The following CNTN5 variants were observed in gnomAD, a reference collection of about 807,000 sequenced individuals.
CNTN5 encodes contactin 5.
Under a neutral mutation model 129.1 loss-of-function variants are expected in CNTN5, and 77 were observed. The ratio of observed to expected loss-of-function variants is 0.60; its 90% CI spans 0.50 to 0.72. The LOEUF (loss-of-function observed/expected upper bound fraction) is 0.72, where lower values mean the gene tolerates loss of function less well. Ranked by LOEUF, CNTN5 falls within the 30% of genes least tolerant of loss-of-function variation. CNTN5 has a pLI of 0.00. For missense variants in CNTN5, 1,478 were observed against 1,328.8 expected (o/e 1.11, Z -1.75); for synonymous variants, 509 against 465.6 (o/e 1.09, Z -1.20).
intron 3 of CNTN5, among the ~76,000 whole-genome samples, chr11:99,565,759 C>A (rs904915971): frequency 4.6e-5 from 7 of 152,074 alleles, no homozygotes; most frequent in African/African-American, 1.7e-4. Flanking sequence ...AATCATTCTC[C>A]CATGATTTCC....
intron 2 of CNTN5, among the ~76,000 whole-genome samples, chr11:99,550,806 G>A (rs1948456484): frequency 6.6e-6 from 1 of 152,044 alleles, no homozygotes; most frequent in African/African-American, 2.4e-5. Flanking sequence ...CACTTTTTCA[G>A]TCACATATTT....
Position 99,886,474 on chromosome 11 carries a change from T to C in CNTN5, c.578-29580T>C, listed in dbSNP as rs1421162320. On this transcript the variant is annotated intron_variant, in intron 6 of 24. Transcript: ENST00000524871. ...AATAGAAAGATTCAAAGTAAGTCCA[T>C]ATTTTATACCATTTGATGTCTAATA... Among the ~76,000 whole-genome samples the C allele has an allele frequency of 2.0e-5, 3 of 152,180 alleles. No individual in the cohort carries two copies. In the East Asian group the frequency reaches 5.8e-4, roughly 29 times the overall value.
At chr11:99,264,782 G>C (rs188973777) in intron 1 of CNTN5, among the ~76,000 whole-genome samples, 1 of 151,964 alleles carries the variant, frequency 6.6e-6, no homozygotes, top group African/African-American at 2.4e-5. Flanking sequence ...ATAAGATATT[G>C]TCCAAGAACA....
At chr11:99,424,559 T>C (rs1246109546) in intron 2 of CNTN5, among the ~76,000 whole-genome samples, 1 of 152,200 alleles carries the variant, frequency 6.6e-6, no homozygotes, top group African/African-American at 2.4e-5. Flanking sequence ...AGTCACGAGC[T>C]CCATGTGAGG....
chr11:99,427,864 T>C (rs1307388070), intron 2 of CNTN5, among the ~76,000 whole-genome samples: 1 of 151,900 alleles, frequency 6.6e-6, no homozygotes, highest in Non-Finnish European at 1.5e-5. Flanking sequence ...TAAACAATTA[T>C]TTTGTGTATC....
chr11:100,319,480 T>A (rs1321401652), intron 21 of CNTN5, among the ~76,000 whole-genome samples: 1 of 152,154 alleles, frequency 6.6e-6, no homozygotes, highest in Non-Finnish European at 1.5e-5. Context: ...ACAGATGAAA[T>A]TATATGGATT....
At chr11:99,727,131 C>A (rs1943369624) in intron 3 of CNTN5, among the ~76,000 whole-genome samples, 1 of 148,294 alleles carries the variant, frequency 6.7e-6, no homozygotes, top group African/African-American at 2.5e-5. Context: ...AAGGTGAAAC[C>A]CCGTCTCTAC....
At chr11:99,514,643 C>A (rs1946974715) in intron 2 of CNTN5, among the ~76,000 whole-genome samples, 1 of 152,028 alleles carries the variant, frequency 6.6e-6, no homozygotes, top group African/African-American at 2.4e-5. Context: ...TGATGGTTAG[C>A]ATATTGTTTT....
intron 2 of CNTN5, among the ~76,000 whole-genome samples, chr11:99,329,656 T>G (rs942990497): frequency 6.6e-6 from 1 of 152,146 alleles, no homozygotes; most frequent in Admixed American, 6.6e-5. Flanking sequence ...TACAGACTTC[T>G]GCTTAGAAAC....
At chr11:99,932,911 T>C (rs1351886753) in intron 7 of CNTN5, among the ~76,000 whole-genome samples, 2 of 152,228 alleles carry the variant, frequency 1.3e-5, no homozygotes, top group African/African-American at 4.8e-5. Flanking sequence ...CATCCTTCAC[T>C]GCACAACAGT....
intron 6 of CNTN5, among the ~76,000 whole-genome samples, chr11:99,902,295 A>G (rs1949380072): frequency 6.6e-6 from 1 of 151,576 alleles, no homozygotes; most frequent in Admixed American, 6.6e-5. Flanking sequence ...CGAAAGAATA[A>G]CACTTCATCA....
chr11:99,739,437 C>G (rs2135149443), intron 3 of CNTN5, among the ~76,000 whole-genome samples: 1 of 152,164 alleles, frequency 6.6e-6, no homozygotes, highest in East Asian at 1.9e-4. Flanking sequence ...ATCTTTTACA[C>G]CTCCGATTTG....
chr11:99,083,711 A>G (rs1381866047), intron 1 of CNTN5, among the ~76,000 whole-genome samples: 1 of 152,218 alleles, frequency 6.6e-6, no homozygotes, highest in Non-Finnish European at 1.5e-5. Context: ...CAACATTTTT[A>G]GTGGAGAAAA....
chr11:100,300,760 T>C (rs1307380716), intron 20 of CNTN5, among the ~76,000 whole-genome samples: 8 of 151,514 alleles, frequency 5.3e-5, no homozygotes, highest in Non-Finnish European at 4.4e-5. Context: ...AATCAAGTAA[T>C]GGCAAGGAAC....
At chr11:99,242,819 T>C (rs1041846251) in intron 1 of CNTN5, among the ~76,000 whole-genome samples, 1 of 152,272 alleles carries the variant, frequency 6.6e-6, no homozygotes, top group East Asian at 1.9e-4. Flanking sequence ...ATGATCTTGT[T>C]CTTTTTCATG....
intron 1 of CNTN5, among the ~76,000 whole-genome samples, chr11:99,309,325 G>T (rs1480181959): frequency 2.6e-5 from 4 of 151,742 alleles, no homozygotes; most frequent in Non-Finnish European, 2.9e-5. Context: ...CTTTGTTCTG[G>T]TAGGCACCTT....
chr11:99,425,245 A>C (rs952392255), intron 2 of CNTN5, among the ~76,000 whole-genome samples: 7 of 152,294 alleles, frequency 4.6e-5, no homozygotes, highest in Non-Finnish European at 5.9e-5. Context: ...GTCATCAATG[A>C]AGTCCTCACT....
chr11:99,582,468 A>C (rs546715977), intron 3 of CNTN5, among the ~76,000 whole-genome samples: 2 of 152,276 alleles, frequency 1.3e-5, no homozygotes, highest in East Asian at 3.9e-4. Flanking sequence ...TACACCAATT[A>C]GACATAGATT....
chr11:99,837,518 C>G (rs1947344014), intron 4 of CNTN5, among the ~76,000 whole-genome samples: 1 of 151,854 alleles, frequency 6.6e-6, no homozygotes, highest in African/African-American at 2.4e-5. Context: ...AAAGATTGTG[C>G]ATGACTTTTT....
Sources: gnomAD v4.1 joint callset for allele counts (sites outside exome capture counted in the v4.1 genomes callset) on GRCh38, gnomAD v4.1.1 for gene constraint, MANE v1.5 for transcripts, NCBI Gene and HGNC (gene_info 2026-07-23, HGNC 2026-07-21) for gene names.